Variants in MINDY4B observed in about 807,000 individuals in gnomAD.
MINDY4B encodes the protein MINDY family member 4B, also known as inactive ubiquitin carboxyl-terminal hydrolase MINDY-4B.
MINDY4B carries 25 observed loss-of-function variants against 16.7 expected under a neutral mutation model. That is an observed-to-expected ratio of 1.49 (90% confidence interval 1.09 to 2.09). The LOEUF (loss-of-function observed/expected upper bound fraction) is 2.09, where lower values mean the gene tolerates loss of function less well. Among genes scored for constraint, MINDY4B ranks in the 30% most tolerant of loss-of-function variants. The pLI is 0.00. For missense variants in MINDY4B, 327 were observed against 168.4 expected, an observed-to-expected ratio of 1.94 and a Z score of -5.21; for synonymous variants, 132 against 61.9, an observed-to-expected ratio of 2.13 and a Z score of -5.32.
intron 6 of MINDY4B, chr3:150,890,610 T>A: frequency 2.0e-6 from 1 of 495,318 alleles, no homozygotes; most frequent in East Asian, 3.0e-5. Context: ...TCATGTAATA[T>A]CTTGAGCAGT....
chr3:150,890,908 A>G (rs942450839), intron 6 of MINDY4B, 30 bp downstream of exon 6: 11 of 697,768 alleles, frequency 1.6e-5, no homozygotes, highest in East Asian at 2.7e-5. Flanking sequence ...CTGGCCTTTC[A>G]TCTGCCAGGA....
chr3:150,890,845 G>C, intron 6 of MINDY4B, 93 bp downstream of exon 6: 1 of 651,754 alleles, frequency 1.5e-6, no homozygotes. Context: ...CAGGAGCATG[G>C]ATGGGGCCCC....
intron 5 of MINDY4B, 142 bp downstream of exon 5, chr3:150,893,182 C>T (rs1201570444): frequency 1.6e-6 from 1 of 623,556 alleles, no homozygotes; most frequent in Non-Finnish European, 2.9e-6. Context: ...AGAATCCAGC[C>T]TCTCTGGGAC....
intron 10 of MINDY4B, among the ~76,000 whole-genome samples, chr3:150,880,342 G>GTGTGTGTGTGT (rs1559964876): frequency 1.5e-5 from 2 of 135,264 alleles, no homozygotes; most frequent in African/African-American, 6.9e-5. Flanking sequence ...TGTGTGTGTG[G>GTGTGTGTGTGT]ATGCGCACAC....
chr3:150,878,254 A>G (rs1342694050), intron 10 of MINDY4B, among the ~76,000 whole-genome samples: 1 of 152,248 alleles, frequency 6.6e-6, no homozygotes, highest in Non-Finnish European at 1.5e-5. Context: ...GCATATAAGT[A>G]TAAATAAACT....
At chr3:150,876,740 T>G (rs1377325565) in intron 10 of MINDY4B, among the ~76,000 whole-genome samples, 1 of 152,086 alleles carries the variant, frequency 6.6e-6, no homozygotes, top group Non-Finnish European at 1.5e-5. Flanking sequence ...AGGGCTGCCG[T>G]AGGAGTAATT....
At chr3:150,881,327 T>A (rs190730677) in intron 10 of MINDY4B, among the ~76,000 whole-genome samples, 19 of 152,108 alleles carry the variant, frequency 1.2e-4, no homozygotes, top group Non-Finnish European at 1.5e-5. Flanking sequence ...GAGGTTGCAG[T>A]GAGCTGAGAT....
At chr3:150,897,002 G>T (rs563611151) in intron 3 of MINDY4B, among the ~76,000 whole-genome samples, 1 of 152,320 alleles carries the variant, frequency 6.6e-6, no homozygotes, top group South Asian at 2.1e-4. Flanking sequence ...CCTTAAAAGG[G>T]AGGTAAGAAG....
intron 3 of MINDY4B, among the ~76,000 whole-genome samples, chr3:150,895,709 C>G (rs1216113321): frequency 6.6e-6 from 1 of 152,218 alleles, no homozygotes; most frequent in African/African-American, 2.4e-5. Flanking sequence ...AGGTGATCTG[C>G]CGGTCTTGGC....
chr3:150,887,155 G>A (rs1711647322), intron 7 of MINDY4B, among the ~76,000 whole-genome samples: 1 of 152,144 alleles, frequency 6.6e-6, no homozygotes. Flanking sequence ...ACGAAACACA[G>A]GCATTGCAGT....
intron 11 of MINDY4B, 78 bp from the exon 12 acceptor site, chr3:150,871,265 G>A (rs1716959259): frequency 3.1e-6 from 2 of 655,412 alleles, no homozygotes; most frequent in East Asian, 5.4e-5. Flanking sequence ...AAGGACAGAA[G>A]GGTGGGTGGG....
chr3:150,871,117 T>C lies in MINDY4B; in HGVS notation c.1311A>G (p.Pro437=). The C allele has an allele frequency of 1.4e-6, 1 of 702,926 alleles. No homozygotes were observed. The highest frequency in any genetic ancestry group is 2.6e-6 in the Non-Finnish European group (1 of 384,848). The allele number at this position is 702,926 out of a possible 1,614,324, so 43.5% of individuals were successfully genotyped here. Reference sequence around the variant, plus strand: ...ACTTGGTTCTGATTGCCATCTCCACTGGTGAAAACCGTCGTCTTGGTCCAT... The same window carrying C: ...ACTTGGTTCTGATTGCCATCTCCACCGGTGAAAACCGTCGTCTTGGTCCAT... ...EKHGPRRRFS[P]VEMAIRTKWS... is the part of the protein sequence containing the mutation. Residue 437 remains proline (P), a synonymous_variant, in exon 12 of 12, where the codon CCA becomes CCG. Transcript: ENST00000465419.
chr3:150,885,191 T>A (rs7649543), intron 8 of MINDY4B, among the ~76,000 whole-genome samples, 177 bp downstream of exon 8: 1 of 152,084 alleles, frequency 6.6e-6, no homozygotes, highest in Non-Finnish European at 1.5e-5. Flanking sequence ...CGACATCCAC[T>A]TGCCCATTAA....
chr3:150,882,452 C>T (rs1450690519), intron 10 of MINDY4B, among the ~76,000 whole-genome samples: 1 of 149,206 alleles, frequency 6.7e-6, no homozygotes, highest in Non-Finnish European at 1.5e-5. Context: ...CATTCATTTG[C>T]ATAAATGAAG....
intron 9 of MINDY4B, 40 bp downstream of exon 9, chr3:150,883,660 T>C (rs1269834346): frequency 2.9e-6 from 2 of 698,706 alleles, no homozygotes; most frequent in Non-Finnish European, 5.2e-6. Flanking sequence ...ATTCAACTAA[T>C]TCAGATTCTA....
At chr3:150,895,556 C>T (rs1711938350) in intron 3 of MINDY4B, among the ~76,000 whole-genome samples, 2 of 152,172 alleles carry the variant, frequency 1.3e-5, no homozygotes, top group South Asian at 4.1e-4. Context: ...ACCTCAGCCT[C>T]TGGGTTCAAG....
intron 3 of MINDY4B, 72 bp from the exon 4 acceptor site, chr3:150,894,377 T>C (rs1211679012): frequency 4.9e-6 from 3 of 617,472 alleles, no homozygotes; most frequent in South Asian, 2.0e-5. Flanking sequence ...GGTGGCCTCA[T>C]GGCCACCTCA....
chr3:150,873,440 G>A (rs563083995), intron 10 of MINDY4B, 73 bp from the exon 11 acceptor site: 346 of 654,470 alleles, frequency 5.3e-4, no homozygotes, highest in Admixed American at 1.5e-3. Flanking sequence ...ATACATGATC[G>A]CGACCAAAAA....
intron 7 of MINDY4B, 52 bp from the exon 8 acceptor site, chr3:150,885,490 G>T: frequency 2.9e-6 from 2 of 696,272 alleles, no homozygotes; most frequent in Non-Finnish European, 5.2e-6. Context: ...ACACAGACAC[G>T]TGTATCTGTG....
Sources: allele counts gnomAD v4.1 joint callset (sites outside exome capture counted in the v4.1 genomes callset), GRCh38; gene constraint gnomAD v4.1.1; transcripts MANE v1.5; gene names NCBI Gene and HGNC (gene_info 2026-07-23, HGNC 2026-07-21).